The following CD226 variants were observed in gnomAD, a reference collection of about 807,000 sequenced individuals.
The protein encoded by CD226 is CD226 antigen.
Under a neutral mutation model 34.9 loss-of-function variants are expected in CD226, and 24 were observed. That is an observed-to-expected ratio of 0.69 (90% confidence interval 0.50 to 0.97). CD226 has a LOEUF of 0.97. CD226 is among the 50% of genes least tolerant of loss of function. The pLI is 0.00. For missense variants in CD226, 397 were observed against 412.7 expected, an observed-to-expected ratio of 0.96 and a Z score of 0.33; for synonymous variants, 148 against 147.4, an observed-to-expected ratio of 1.00 and a Z score of -0.03.
intron 3 of CD226, among the ~76,000 whole-genome samples, chr18:69,875,401 G>C (rs1419865799): frequency 3.9e-5 from 6 of 152,172 alleles, no homozygotes; most frequent in Non-Finnish European, 7.3e-5. Context: ...GCCTCCCAAA[G>C]TGCTGGGATT....
At chr18:69,872,057 G>GGGGTGTGT (rs1555677203) in intron 4 of CD226, among the ~76,000 whole-genome samples, 4 of 143,430 alleles carry the variant, frequency 2.8e-5, no homozygotes, top group Admixed American at 6.9e-5. Context: ...ATTAACAAGG[G>GGGGTGTGT]GTGTGTGTGT....
At chr18:69,953,064 T>C (rs539259321) in intron 1 of CD226, among the ~76,000 whole-genome samples, 4 of 152,306 alleles carry the variant, frequency 2.6e-5, no homozygotes, top group South Asian at 2.1e-4. Flanking sequence ...AAAATTAATA[T>C]GTTAGGGAAA....
intron 1 of CD226, among the ~76,000 whole-genome samples, chr18:69,954,835 G>C (rs976432111): frequency 2.0e-5 from 3 of 152,144 alleles, no homozygotes; most frequent in Non-Finnish European, 4.4e-5. Context: ...GACTTTGCTA[G>C]AGATGAGCCC....
chr18:69,898,242 C>A (rs1285706112), intron 2 of CD226, among the ~76,000 whole-genome samples: 2 of 152,112 alleles, frequency 1.3e-5, no homozygotes, highest in Non-Finnish European at 2.9e-5. Context: ...TTCATGTGAG[C>A]CCTTCTGGTC....
At chr18:69,953,144 G>A (rs1159232377) in intron 1 of CD226, among the ~76,000 whole-genome samples, 1 of 152,214 alleles carries the variant, frequency 6.6e-6, no homozygotes, top group Non-Finnish European at 1.5e-5. Context: ...TGATGCAGCT[G>A]CTGTGAAGAA....
chr18:69,867,446 T>C (rs1232871199), intron 4 of CD226, 35 bp from the exon 5 acceptor site: 3 of 1,317,222 alleles, frequency 2.3e-6, no homozygotes, highest in Non-Finnish European at 2.2e-6. Context: ...TATAAAGATA[T>C]GATATTCCAG....
At chr18:69,946,682 A>G in intron 2 of CD226, 52 bp downstream of exon 2, 11 of 1,196,330 alleles carry the variant, frequency 9.2e-6, no homozygotes, top group Non-Finnish European at 1.3e-5. Flanking sequence ...ATAGAAATAA[A>G]TGTTGTAAGT....
intron 2 of CD226, among the ~76,000 whole-genome samples, chr18:69,906,133 T>C (rs1212529699): frequency 6.6e-6 from 1 of 152,172 alleles, no homozygotes; most frequent in Non-Finnish European, 1.5e-5. Flanking sequence ...TTGTGATGCA[T>C]GACATATGAA....
chr18:69,946,229 CAGGAAAGAA>C (rs1278902024), intron 2 of CD226, among the ~76,000 whole-genome samples: 5 of 80,224 alleles, frequency 6.2e-5, no homozygotes, highest in African/African-American at 9.8e-5. Context: ...GAAAGAAAGA[CAGGAAAGAA>C]AGGAAAGAAA....
rs1037761545 is a variant in CD226, at chr18:69,853,499, A to C, written c.*10815T>G. On this transcript the variant is annotated 3_prime_UTR_variant, in exon 6 of 6. Coordinates refer to ENST00000582621, the MANE Select transcript of CD226 (RefSeq NM_001303618.2). Reference sequence around the variant, plus strand: ...CTTCTGTGGCTCCTCTTACCCATGGAGTCTTCTAATTCTCATTTACCTTTT... The same window carrying C: ...CTTCTGTGGCTCCTCTTACCCATGGCGTCTTCTAATTCTCATTTACCTTTT... 6.6e-6 allele frequency: 1 copy of C among 152,164 alleles called. No homozygotes were observed. Among genetic ancestry groups the C allele is most frequent in the Non-Finnish European group, 1.5e-5 (1 of 68,034 alleles). 9.4% of individuals were successfully genotyped at this position (152,164 alleles called of 1,614,324 possible).
intron 2 of CD226, among the ~76,000 whole-genome samples, chr18:69,905,389 A>T (rs550315586): frequency 6.6e-6 from 1 of 152,270 alleles, no homozygotes; most frequent in South Asian, 2.1e-4. Context: ...TGTCCATTAG[A>T]TTGTTTTCCA....
At chr18:69,885,403 C>G (rs1396139426) in intron 3 of CD226, among the ~76,000 whole-genome samples, 2 of 152,110 alleles carry the variant, frequency 1.3e-5, no homozygotes, top group African/African-American at 4.8e-5. Flanking sequence ...TTTCAAGAAG[C>G]CATTACGGTC....
At chr18:69,903,459 T>C (rs1184875684) in intron 2 of CD226, among the ~76,000 whole-genome samples, 3 of 152,044 alleles carry the variant, frequency 2.0e-5, no homozygotes, top group Admixed American at 2.0e-4. Flanking sequence ...ATGGCCAAGT[T>C]TGGGGATGTT....
At chr18:69,961,282 G>T (rs1281685666), upstream of CD226, among the ~76,000 whole-genome samples, 1 of 152,120 alleles carries the variant, frequency 6.6e-6, no homozygotes, top group Non-Finnish European at 1.5e-5. Context: ...AATAAATGGA[G>T]GTATGTCCTA....
At chr18:69,896,280 C>G (rs1451803993) in intron 2 of CD226, 9 of 397,814 alleles carry the variant, frequency 2.3e-5, no homozygotes, top group Non-Finnish European at 3.1e-5. Context: ...CTCCCAGGTT[C>G]ACGCCATTCT....
At chr18:69,945,862 T>C (rs925409473) in intron 2 of CD226, among the ~76,000 whole-genome samples, 2 of 152,062 alleles carry the variant, frequency 1.3e-5, no homozygotes, top group African/African-American at 4.8e-5. Flanking sequence ...AAGTCACGTC[T>C]TACATGGATG....
At chr18:69,904,240 C>G (rs554479310) in intron 2 of CD226, among the ~76,000 whole-genome samples, 47 of 152,342 alleles carry the variant, frequency 3.1e-4, no homozygotes, top group African/African-American at 9.9e-4. Context: ...TAGATTCAGG[C>G]TGCGTGTCCT....
chr18:69,936,429 TA>T (rs2055654652), intron 2 of CD226, among the ~76,000 whole-genome samples: 1 of 152,202 alleles, frequency 6.6e-6, no homozygotes, highest in South Asian at 2.1e-4. Flanking sequence ...GCAGTGACCA[TA>T]ACCTTGCTTT....
At chr18:69,866,409 T>C (rs1297540599) in intron 5 of CD226, among the ~76,000 whole-genome samples, 1 of 152,152 alleles carries the variant, frequency 6.6e-6, no homozygotes, top group Non-Finnish European at 1.5e-5. Context: ...TTTCTAGTCT[T>C]TTAGTTAAAC....
Sources: allele counts gnomAD v4.1 joint callset (sites outside exome capture counted in the v4.1 genomes callset), GRCh38; gene constraint gnomAD v4.1.1; transcripts MANE v1.5; gene names NCBI Gene and HGNC (gene_info 2026-07-23, HGNC 2026-07-21).